The following IL15 variants were observed in gnomAD, a reference collection of about 807,000 sequenced individuals.
IL15 encodes the protein interleukin 15, also known as interleukin-15.
IL15 carries 11 observed loss-of-function variants against 19.6 expected under a neutral mutation model. The ratio of observed to expected loss-of-function variants is 0.56; its 90% confidence interval spans 0.35 to 0.93. The LOEUF (loss-of-function observed/expected upper bound fraction) is 0.93, where lower values mean the gene tolerates loss of function less well. IL15 is among the 40% of genes least tolerant of loss of function. The pLI is 0.01. For missense variants in IL15, 197 were observed against 186.5 expected (o/e 1.06, Z -0.33); for synonymous variants, 58 against 59.6 (o/e 0.97, Z 0.12).
intron 2 of IL15, among the ~76,000 whole-genome samples, chr4:141,662,709 CT>C (rs1198571846): frequency 6.6e-6 from 1 of 151,868 alleles, no homozygotes; most frequent in Non-Finnish European, 1.5e-5. Flanking sequence ...ATTCATCAAC[CT>C]ATTTTTTTTC....
chr4:141,640,266 T>A (rs1339871993), intron 1 of IL15, among the ~76,000 whole-genome samples: 1 of 152,060 alleles, frequency 6.6e-6, no homozygotes, highest in East Asian at 1.9e-4. Flanking sequence ...TATGTCCTCA[T>A]TGAATTTGAA....
chr4:141,682,800 C>CA (rs893278485), intron 2 of IL15, among the ~76,000 whole-genome samples: 13 of 151,718 alleles, frequency 8.6e-5, no homozygotes, highest in South Asian at 2.1e-4. Flanking sequence ...ACTAAAAATA[C>CA]AAAAAAAATT....
At chr4:141,724,090 T>G (rs549736449) in intron 5 of IL15, among the ~76,000 whole-genome samples, 2 of 152,158 alleles carry the variant, frequency 1.3e-5, no homozygotes, top group South Asian at 4.2e-4. Context: ...CTTTAAAAAT[T>G]TTTTCAGAAC....
intron 1 of IL15, among the ~76,000 whole-genome samples, chr4:141,646,759 G>C (rs557573446): frequency 6.6e-6 from 1 of 152,056 alleles, no homozygotes; most frequent in Admixed American, 6.6e-5. Flanking sequence ...GAGCTTTTTT[G>C]ATTTAATATT....
intron 2 of IL15, chr4:141,689,045 AC>A: frequency 6.5e-6 from 1 of 153,936 alleles, no homozygotes; most frequent in African/African-American, 2.4e-5. Flanking sequence ...GGTGAGTGTT[AC>A]AGCTCTTAAG....
chr4:141,662,231 A>G (rs1287066824), intron 2 of IL15, among the ~76,000 whole-genome samples: 2 of 152,232 alleles, frequency 1.3e-5, no homozygotes, highest in Non-Finnish European at 2.9e-5. Context: ...TGTTTTTTCC[A>G]CATCTACTCT....
chr4:141,679,470 T>A (rs1728464390), intron 2 of IL15, among the ~76,000 whole-genome samples: 1 of 152,222 alleles, frequency 6.6e-6, no homozygotes, highest in Admixed American at 6.5e-5. Context: ...ATTTTCCTTC[T>A]TTACACAATA....
intron 3 of IL15, 61 bp from the exon 4 acceptor site, chr4:141,720,408 A>C (rs1730033674): frequency 1.2e-6 from 1 of 839,770 alleles, no homozygotes. Flanking sequence ...TTGACATGTT[A>C]TTTTAAACCT....
At chr4:141,725,367 G>A (rs1034300553) in intron 5 of IL15, among the ~76,000 whole-genome samples, 1 of 152,148 alleles carries the variant, frequency 6.6e-6, no homozygotes, top group Non-Finnish European at 1.5e-5. Context: ...ACTGCAATAT[G>A]ACTGGTATCT....
intron 2 of IL15, among the ~76,000 whole-genome samples, chr4:141,704,416 T>C (rs796940898): frequency 5.4e-4 from 82 of 152,276 alleles, no homozygotes; most frequent in African/African-American, 2.0e-3. Context: ...TACTAAATGA[T>C]TTTTTTAATA....
At chr4:141,718,546 T>G (rs143477147) in intron 2 of IL15, 5 of 152,340 alleles carry the variant, frequency 3.3e-5, no homozygotes, top group African/African-American at 4.8e-5. Context: ...TTCTATTGGA[T>G]ACACCTTTGT....
At chr4:141,694,685 G>A (rs1729034494) in intron 2 of IL15, among the ~76,000 whole-genome samples, 1 of 152,158 alleles carries the variant, frequency 6.6e-6, no homozygotes, top group Non-Finnish European at 1.5e-5. Context: ...ATAGGCAGGT[G>A]TATTTCAAAT....
chr4:141,690,116 T>C (rs1182044251), intron 2 of IL15, among the ~76,000 whole-genome samples: 3 of 151,966 alleles, frequency 2.0e-5, no homozygotes, highest in Non-Finnish European at 2.9e-5. Context: ...AAGTCCCTCA[T>C]TGCCCGGGGC....
chr4:141,646,049 AT>A (rs35478390), intron 1 of IL15, among the ~76,000 whole-genome samples: 2 of 152,098 alleles, frequency 1.3e-5, no homozygotes, highest in Non-Finnish European at 2.9e-5. Context: ...GGCCACCCAG[AT>A]TGAAGGGGAG....
chr4:141,669,399 A>G (rs1253173996), intron 2 of IL15, among the ~76,000 whole-genome samples: 3 of 152,184 alleles, frequency 2.0e-5, no homozygotes, highest in East Asian at 1.9e-4. Flanking sequence ...AGAGTGAGAC[A>G]GCGATTGTAT....
chr4:141,673,861 G>A (rs1325704454), intron 2 of IL15, among the ~76,000 whole-genome samples: 1 of 152,016 alleles, frequency 6.6e-6, no homozygotes, highest in Non-Finnish European at 1.5e-5. Flanking sequence ...TAATATTCCA[G>A]CATAATTAAT....
At chr4:141,720,217 T>C (rs1418580726) in intron 3 of IL15, among the ~76,000 whole-genome samples, 1 of 152,128 alleles carries the variant, frequency 6.6e-6, no homozygotes, top group African/African-American at 2.4e-5. Context: ...ATATGTCAAC[T>C]TTGTTAAATT....
rs376005056 is a variant in IL15, at chr4:141,695,219, A to G, written c.-99-24147A>G. ...TATACTCTTTGGCCAACTTCTCCCA[A>G]TCCTTCTAAGCCTCTTCTCCCTAGT... On this transcript the variant is annotated intron_variant, in intron 2 of 7. Transcript: ENST00000320650. Among the ~76,000 whole-genome samples the G allele has an allele frequency of 2.0e-4, 30 of 147,086 alleles. 1 individual carries two copies. The highest frequency in any genetic ancestry group is 2.0e-3 in the East Asian group (10 of 4,966).
At chr4:141,691,505 C>CA (rs1016960747) in intron 2 of IL15, among the ~76,000 whole-genome samples, 2 of 152,118 alleles carry the variant, frequency 1.3e-5, no homozygotes, top group African/African-American at 4.8e-5. Context: ...CCTGTAAAAT[C>CA]AAAAACAAGT....
Sources: allele counts gnomAD v4.1 joint callset (sites outside exome capture counted in the v4.1 genomes callset), GRCh38; gene constraint gnomAD v4.1.1; transcripts MANE v1.5; gene names NCBI Gene and HGNC (gene_info 2026-07-23, HGNC 2026-07-21).